IL5RA: variants seen among roughly 807,000 people sequenced by gnomAD.
IL5RA encodes interleukin-5 receptor subunit alpha.
A neutral mutation model predicts 50.0 loss-of-function variants in IL5RA; 49 were observed. The observed-to-expected ratio is 0.98, with a 90% CI of 0.78 to 1.24. The LOEUF is 1.24. Ranked by LOEUF, IL5RA falls within the 50% of genes most tolerant of loss-of-function variation. IL5RA has a pLI of 0.00. For synonymous variants in IL5RA, 202 were observed against 174.0 expected (o/e 1.16, Z -1.26); for missense variants, 600 against 500.4 (o/e 1.20, Z -1.90).
chr3:3,098,489 C>T (rs1216893207), intron 5 of IL5RA, among the ~76,000 whole-genome samples, 199 bp from the exon 6 acceptor site: 1 of 152,102 alleles, frequency 6.6e-6, no homozygotes, highest in Non-Finnish European at 1.5e-5. Context: ...CTCACTGCAA[C>T]CTCTGCCTCC....
chr3:3,103,047 G>T (rs1703729563), intron 3 of IL5RA: 2 of 347,046 alleles, frequency 5.8e-6, no homozygotes, highest in African/African-American at 2.1e-5. Flanking sequence ...GCTAATGTGG[G>T]TTTTTTGGTA....
At chr3:3,096,225 C>A (rs1703358435) in intron 7 of IL5RA, among the ~76,000 whole-genome samples, 1 of 151,330 alleles carries the variant, frequency 6.6e-6, no homozygotes, top group Non-Finnish European at 1.5e-5. Flanking sequence ...TTGCAGTGAG[C>A]CGAGATCGCG....
Position 3,109,988 on chromosome 3 carries a change from T to C in IL5RA, c.-189A>G, listed in dbSNP as rs371197602. On this transcript the variant is annotated 5_prime_UTR_variant, in exon 1 of 12. An upstream start codon of the reference 5' UTR is lost. Transcript: ENST00000446632. ...TGCGATGAGAAGCAGCGGCAGGGCA[T>C]TGAGAACGAACCTTATCTCTGGGTG... 5.3e-5 allele frequency: 8 copies of C among 152,232 alleles called. No homozygotes were observed. The highest frequency in any genetic ancestry group is 1.9e-4 in the African/African-American group (8 of 41,464). The allele number at this position is 152,232 out of a possible 1,614,324, so 9.4% of individuals were successfully genotyped here. A position where few individuals can be genotyped will look rare whatever the true frequency, so the allele number is the denominator to read the frequency against.
At chr3:3,070,573 A>ATTTTTT (rs1559858173) in intron 11 of IL5RA, among the ~76,000 whole-genome samples, 3 of 106,230 alleles carry the variant, frequency 2.8e-5, no homozygotes, top group Admixed American at 9.4e-5. Flanking sequence ...ATGGATACAC[A>ATTTTTT]TCTTTTTTTT....
At chr3:3,094,503 T>TTCATTTAA (rs1189364953) in intron 8 of IL5RA, among the ~76,000 whole-genome samples, 3 of 152,194 alleles carry the variant, frequency 2.0e-5, no homozygotes, top group African/African-American at 7.2e-5. Context: ...TGCTTATCCA[T>TTCATTTAA]TCATTTAATG....
chr3:3,092,467 G>A lies in IL5RA; in HGVS notation c.856-105C>T, dbSNP rs1421845938. ...TATAGGTCATGTGACTCACTGTTCA[G>A]CAAGTCCTTTAAAATCAACAGGGCA... On this transcript the variant is annotated intron_variant, in intron 8 of 11. Coordinates refer to ENST00000446632, the MANE Select transcript of IL5RA (RefSeq NM_175726.4). The surrounding 1 kb of genome is among the most constrained non-coding windows in gnomAD (Gnocchi z 4.2). 4.8e-6 allele frequency: 5 copies of A among 1,049,344 alleles called. No individual in the cohort carries two copies. In the East Asian group the frequency reaches 1.2e-4, roughly 25 times the overall value. 65.0% of individuals were successfully genotyped at this position (1,049,344 alleles called of 1,614,324 possible).
intron 11 of IL5RA, among the ~76,000 whole-genome samples, 191 bp from the exon 12 acceptor site, chr3:3,070,502 C>A (rs894308621): frequency 2.8e-4 from 42 of 151,146 alleles, no homozygotes. Flanking sequence ...ACACAGCCCA[C>A]TGCTTCTCCT....
chr3:3,074,515 T>A (rs541879001), intron 11 of IL5RA, among the ~76,000 whole-genome samples: 1 of 152,296 alleles, frequency 6.6e-6, no homozygotes, highest in Non-Finnish European at 1.5e-5. Flanking sequence ...GCTTCTGCAG[T>A]CCCAGCTACT....
chr3:3,082,032 A>G (rs888324427), intron 9 of IL5RA, among the ~76,000 whole-genome samples: 1 of 152,068 alleles, frequency 6.6e-6, no homozygotes, highest in Non-Finnish European at 1.5e-5. Flanking sequence ...CGAAGTAGAC[A>G]TTACTTGTGG....
intron 11 of IL5RA, among the ~76,000 whole-genome samples, chr3:3,074,318 T>C (rs1702404257): frequency 6.6e-6 from 1 of 152,236 alleles, no homozygotes. Context: ...TCCCTTATTA[T>C]ACCAGAAAGA....
chr3:3,095,432 G>A lies in IL5RA; in HGVS notation c.722C>T (p.Pro241Leu), dbSNP rs1703313812. ...FALHAIDQIN[P>L]PLNVTAEIEG... ...AATCTCTGCTGTGACATTCAGTGGA[G>A]GATTTATTTGATCTAAGTTAGGGAA... Residue 241 changes from proline to leucine, a missense_variant, in exon 8 of 12, where the codon CCT (proline) becomes CTT (leucine). Transcript: ENST00000446632. 2 of 1,608,924 alleles carry A rather than the reference G, an allele frequency of 1.2e-6. No individual in the cohort carries two copies. The highest frequency in any genetic ancestry group is 1.7e-6 in the Non-Finnish European group (2 of 1,178,694).
At chr3:3,071,769 T>C (rs976492989) in intron 11 of IL5RA, among the ~76,000 whole-genome samples, 2 of 152,174 alleles carry the variant, frequency 1.3e-5, no homozygotes, top group Non-Finnish European at 2.9e-5. Context: ...TTTGTATTTT[T>C]TGCAGAGATG....
At chr3:3,073,807 T>A in intron 11 of IL5RA, 1 of 451,488 alleles carries the variant, frequency 2.2e-6, no homozygotes, top group Non-Finnish European at 4.4e-6. Flanking sequence ...ATCTAAGATG[T>A]ATATGAAAAT....
intron 9 of IL5RA, among the ~76,000 whole-genome samples, chr3:3,085,378 TACA>T (rs1028795834): frequency 2.0e-5 from 3 of 152,328 alleles, no homozygotes; most frequent in African/African-American, 7.2e-5. Flanking sequence ...TGGACCCTCC[TACA>T]ACATTTCCCT....
Position 3,102,735 on chromosome 3 carries a change from T to C in IL5RA, c.168A>G (p.Gln56=). 1 of 1,610,234 alleles carries C rather than the reference T, an allele frequency of 6.2e-7. No individual in the cohort carries two copies. Among genetic ancestry groups the C allele is most frequent in the Non-Finnish European group, 8.5e-7 (1 of 1,177,020 alleles). ...VLLQWKPNPD[Q]EQRNVNLEYQ... ...ATTCTAGATTAACATTCCTTTGCTC[T>C]TGATCAGGATTTGGTTTCCATTGTA... Residue 56 remains glutamine (Q), a synonymous_variant, in exon 4 of 12, where the codon CAA becomes CAG. Transcript: ENST00000446632.
intron 9 of IL5RA, among the ~76,000 whole-genome samples, chr3:3,088,387 C>T (rs186384316): frequency 2.6e-5 from 4 of 152,268 alleles, no homozygotes; most frequent in East Asian, 1.9e-4. Context: ...CTGTCATGCT[C>T]GTCACCACTC....
chr3:3,077,202 C>A (rs1029509488), intron 9 of IL5RA, among the ~76,000 whole-genome samples: 1 of 152,182 alleles, frequency 6.6e-6, no homozygotes, highest in Non-Finnish European at 1.5e-5. Flanking sequence ...AATAAAACTG[C>A]CATTAAGTCA....
chr3:3,107,399 C>CAAT (rs1163418057), intron 2 of IL5RA, among the ~76,000 whole-genome samples: 1 of 151,100 alleles, frequency 6.6e-6, no homozygotes, highest in Non-Finnish European at 1.5e-5. Context: ...ACAACAACAG[C>CAAT]AACAACAAAT....
Position 3,092,361 on chromosome 3 carries a change from A to G in IL5RA, c.857T>C (p.Ile286Thr), listed in dbSNP as rs1703162000. ...GAATGCATTGGTCATCAATTTTTCT[A>G]TCTAAGTGGGGAAAGATAGCATTAG... ...IHNTRNGYLQ[I>T]EKLMTNAFIS... The change falls in exon 9 of 12, where the codon ATA (isoleucine) becomes ACA (threonine). Residue 286 changes from isoleucine (I) to threonine (T), a missense_variant and splice_region_variant. Ile to Thr is a moderately conservative substitution (Grantham distance 89). Coordinates refer to ENST00000446632, the MANE Select transcript of IL5RA (RefSeq NM_175726.4). This position sits in a 1 kb window ranked among gnomAD's most constrained non-coding sequence, Gnocchi z 4.2. The G allele has an allele frequency of 6.2e-7, 1 of 1,612,764 alleles. No individual in the cohort carries two copies. Among genetic ancestry groups the G allele is most frequent in the Non-Finnish European group, 8.5e-7 (1 of 1,179,754 alleles).
Sources: allele counts gnomAD v4.1 joint callset (sites outside exome capture counted in the v4.1 genomes callset), GRCh38; gene constraint gnomAD v4.1.1; non-coding constraint Gnocchi (gnomAD v3.1); transcripts MANE v1.5; gene names NCBI Gene and HGNC (gene_info 2026-07-23, HGNC 2026-07-21).